Variants in EPC2 observed in about 807,000 individuals in gnomAD.
EPC2 encodes enhancer of polycomb homolog 2.
Under a neutral mutation model 92.1 loss-of-function variants are expected in EPC2, and 14 were observed. That is an observed-to-expected ratio of 0.15 (90% CI 0.10 to 0.24). EPC2 has a LOEUF of 0.24. EPC2 is among the 10% of genes least tolerant of loss of function. The pLI is 1.00. For missense variants in EPC2, 755 were observed against 971.5 expected, an observed-to-expected ratio of 0.78 and a Z score of 2.96; for synonymous variants, 340 against 334.7, an observed-to-expected ratio of 1.02 and a Z score of -0.17.
At chr2:148,729,625 T>C (rs1558822564) in intron 2 of EPC2, among the ~76,000 whole-genome samples, 2 of 152,170 alleles carry the variant, frequency 1.3e-5, no homozygotes, top group Non-Finnish European at 2.9e-5. Flanking sequence ...GTTTTCCATT[T>C]GGTTATTATA....
intron 1 of EPC2, among the ~76,000 whole-genome samples, chr2:148,651,354 C>T (rs972392961): frequency 1.3e-5 from 2 of 152,154 alleles, no homozygotes; most frequent in Non-Finnish European, 2.9e-5. Flanking sequence ...CCCCTGTTTT[C>T]GTTCGGACAT....
At chr2:148,762,481 A>G (rs1056150221) in intron 5 of EPC2, among the ~76,000 whole-genome samples, 189 bp from the exon 6 acceptor site, 11 of 151,770 alleles carry the variant, frequency 7.2e-5, no homozygotes, top group African/African-American at 2.7e-4. Flanking sequence ...GGCCTTTTTT[A>G]GTTTTTTGGT....
intron 1 of EPC2, among the ~76,000 whole-genome samples, chr2:148,686,472 A>G (rs904928984): frequency 6.6e-6 from 1 of 152,220 alleles, no homozygotes; most frequent in Admixed American, 6.5e-5. Flanking sequence ...TAATGTGGGC[A>G]TTTTGACCTC....
At chr2:148,651,756 T>C (rs1278659615) in intron 1 of EPC2, among the ~76,000 whole-genome samples, 1 of 152,136 alleles carries the variant, frequency 6.6e-6, no homozygotes, top group African/African-American at 2.4e-5. Flanking sequence ...TGTTGTTGAG[T>C]GTTTGAGCAT....
chr2:148,751,112 T>TA (rs1683076211), intron 3 of EPC2, among the ~76,000 whole-genome samples: 1 of 152,138 alleles, frequency 6.6e-6, no homozygotes, highest in Non-Finnish European at 1.5e-5. Flanking sequence ...TTCCCCACAT[T>TA]CTATAACCCA....
chr2:148,722,032 ACT>A (rs1326940514), intron 2 of EPC2, among the ~76,000 whole-genome samples: 2 of 149,634 alleles, frequency 1.3e-5, no homozygotes, highest in Non-Finnish European at 3.0e-5. Context: ...TTCATATCTG[ACT>A]CTGATTCTGA....
At chr2:148,685,619 G>C (rs1458086233) in intron 1 of EPC2, among the ~76,000 whole-genome samples, 1 of 152,122 alleles carries the variant, frequency 6.6e-6, no homozygotes, top group Non-Finnish European at 1.5e-5. Flanking sequence ...AAATTAGCCG[G>C]GTGTGGTGGC....
intron 1 of EPC2, among the ~76,000 whole-genome samples, chr2:148,660,608 T>C (rs766000960): frequency 1.3e-5 from 2 of 151,994 alleles, no homozygotes; most frequent in Non-Finnish European, 2.9e-5. Flanking sequence ...AAAAAATGCT[T>C]TTGGTTTTTG....
intron 2 of EPC2, among the ~76,000 whole-genome samples, chr2:148,696,133 C>T (rs951123075): frequency 6.6e-6 from 1 of 152,196 alleles, no homozygotes; most frequent in African/African-American, 2.4e-5. Flanking sequence ...GGAGGAGAAG[C>T]CTCCAAACCT....
intron 1 of EPC2, among the ~76,000 whole-genome samples, chr2:148,683,476 C>T (rs992497473): frequency 4.6e-5 from 7 of 152,116 alleles, no homozygotes; most frequent in African/African-American, 1.7e-4. Flanking sequence ...CCATGTTAGC[C>T]AGGATTGTCT....
At chr2:148,646,289 C>T (rs1683799219) in intron 1 of EPC2, among the ~76,000 whole-genome samples, 1 of 152,124 alleles carries the variant, frequency 6.6e-6, no homozygotes, top group Non-Finnish European at 1.5e-5. Context: ...GCTTTTATGC[C>T]TTCGATTGGC....
At chr2:148,670,485 C>T (rs1681134583) in intron 1 of EPC2, among the ~76,000 whole-genome samples, 1 of 152,100 alleles carries the variant, frequency 6.6e-6, no homozygotes, top group African/African-American at 2.4e-5. Context: ...TTTCTATCAG[C>T]CCCAAAAGAA....
chr2:148,775,302 TTAA>T (rs1239714249), intron 10 of EPC2, among the ~76,000 whole-genome samples: 1 of 152,114 alleles, frequency 6.6e-6, no homozygotes, highest in African/African-American at 2.4e-5. Flanking sequence ...AGGAACTTAA[TTAA>T]TAGCACATGC....
At chr2:148,678,725 G>T (rs1337934977) in intron 1 of EPC2, among the ~76,000 whole-genome samples, 5 of 152,252 alleles carry the variant, frequency 3.3e-5, no homozygotes, top group African/African-American at 1.2e-4. Context: ...ACTCCAGCTG[G>T]CCCGCAAGCG....
At chr2:148,731,884 T>A (rs1310902338) in intron 2 of EPC2, among the ~76,000 whole-genome samples, 1 of 152,258 alleles carries the variant, frequency 6.6e-6, no homozygotes, top group Non-Finnish European at 1.5e-5. Context: ...GTCCAAAGAA[T>A]TTTTCCTTAC....
At chr2:148,772,488 C>T (rs1385348675) in intron 10 of EPC2, among the ~76,000 whole-genome samples, 1 of 152,090 alleles carries the variant, frequency 6.6e-6, no homozygotes, top group Non-Finnish European at 1.5e-5. Flanking sequence ...ATCACTTTAG[C>T]TTGAAATTTG....
intron 4 of EPC2, among the ~76,000 whole-genome samples, chr2:148,759,719 A>T (rs1003421129): frequency 6.6e-6 from 1 of 151,848 alleles, no homozygotes; most frequent in South Asian, 2.1e-4. Context: ...GTTTATATTC[A>T]TACATACATA....
intron 2 of EPC2, among the ~76,000 whole-genome samples, chr2:148,729,240 C>T (rs915597718): frequency 6.6e-6 from 1 of 152,000 alleles, no homozygotes; most frequent in Non-Finnish European, 1.5e-5. Flanking sequence ...TTTTCCTACA[C>T]CCTGTCAAAA....
At chr2:148,725,331 T>A (rs1682472408) in intron 2 of EPC2, among the ~76,000 whole-genome samples, 1 of 152,092 alleles carries the variant, frequency 6.6e-6, no homozygotes, top group Admixed American at 6.5e-5. Context: ...CTTAACAATA[T>A]TTGCTTTCTG....
Sources: allele counts gnomAD v4.1 joint callset (sites outside exome capture counted in the v4.1 genomes callset), GRCh38; gene constraint gnomAD v4.1.1; transcripts MANE v1.5; gene names NCBI Gene and HGNC (gene_info 2026-07-23, HGNC 2026-07-21).